Variants in THBS4 observed in about 807,000 individuals in gnomAD.
THBS4 encodes the protein thrombospondin-4.
THBS4 carries 90 observed loss-of-function variants against 115.7 expected under a neutral mutation model. The observed-to-expected ratio is 0.78, with a 90% CI of 0.66 to 0.93. The LOEUF (loss-of-function observed/expected upper bound fraction) is 0.93. THBS4 is among the 40% of genes least tolerant of loss of function. The pLI, the probability that THBS4 is intolerant of heterozygous loss-of-function variation, is 0.00. For missense variants in THBS4, 1,087 were observed against 1,232.7 expected (o/e 0.88, Z 1.77); for synonymous variants, 460 against 479.3 (o/e 0.96, Z 0.53).
upstream of THBS4, among the ~76,000 whole-genome samples, chr5:80,031,609 C>CCAGG (rs961964014): frequency 1.3e-5 from 2 of 152,192 alleles, no homozygotes; most frequent in African/African-American, 4.8e-5. Flanking sequence ...GCTGGCTTTG[C>CCAGG]CAGGGGTGGG....
chr5:80,078,705 A>G, intron 17 of THBS4: 2 of 484,506 alleles, frequency 4.1e-6, no homozygotes, highest in South Asian at 9.8e-5. Flanking sequence ...CAGCAAACTT[A>G]TTTCTATTCA....
chr5:80,066,115 A>T (rs1480088263), intron 9 of THBS4, among the ~76,000 whole-genome samples: 2 of 148,682 alleles, frequency 1.3e-5, no homozygotes, highest in Non-Finnish European at 3.0e-5. Context: ...AAAAAAAAAA[A>T]CTTTTCAAAA....
At chr5:80,051,743 T>G (rs1833265190) in intron 2 of THBS4, among the ~76,000 whole-genome samples, 3 of 152,222 alleles carry the variant, frequency 2.0e-5, no homozygotes, top group Non-Finnish European at 4.4e-5. Flanking sequence ...TCATTTAAAG[T>G]TTATATTAAC....
intron 2 of THBS4, among the ~76,000 whole-genome samples, chr5:79,999,129 T>C (rs1480743359): frequency 1.3e-5 from 2 of 152,184 alleles, no homozygotes; most frequent in Non-Finnish European, 2.9e-5. Flanking sequence ...CAAAGTTTTC[T>C]TTAAGAAAAA....
intron 21 of THBS4, 85 bp downstream of exon 21, chr5:80,082,630 C>G: frequency 5.2e-6 from 8 of 1,538,132 alleles, no homozygotes; most frequent in Admixed American, 1.7e-5. Context: ...CACTTCCCCC[C>G]CAAAAGCCCA....
intron 2 of THBS4, among the ~76,000 whole-genome samples, chr5:80,048,227 T>C (rs1833137729): frequency 6.6e-6 from 1 of 152,312 alleles, no homozygotes; most frequent in East Asian, 1.9e-4. Flanking sequence ...TTAGGATCCA[T>C]TGGTAGAAGA....
At chr5:80,065,872 C>G (rs937067015) in intron 9 of THBS4, among the ~76,000 whole-genome samples, 2 of 152,078 alleles carry the variant, frequency 1.3e-5, no homozygotes, top group African/African-American at 4.8e-5. Context: ...AACTTTCAAT[C>G]ATGGGGTCAG....
chr5:80,000,948 C>T (rs1415879502), intron 2 of THBS4, among the ~76,000 whole-genome samples: 1 of 151,872 alleles, frequency 6.6e-6, no homozygotes, highest in Non-Finnish European at 1.5e-5. Flanking sequence ...ATGTAGATGT[C>T]TTCATTATAT....
At chr5:80,064,353 C>A (rs1314281749) in intron 8 of THBS4, among the ~76,000 whole-genome samples, 2 of 152,294 alleles carry the variant, frequency 1.3e-5, no homozygotes, top group East Asian at 3.9e-4. Context: ...TAAAGACATG[C>A]CAAAATTCAG....
intron 2 of THBS4, among the ~76,000 whole-genome samples, chr5:80,047,369 C>T (rs1833102148): frequency 6.6e-6 from 1 of 152,012 alleles, no homozygotes; most frequent in African/African-American, 2.4e-5. Context: ...ATCTGGACCC[C>T]GTTTTTTTGT....
rs1379281170 is a variant in THBS4, at chr5:80,072,509, TAACA to T, written c.1839+116_1839+119del. ...AGCCTCTTAGCTGTTGCCACTTACC[TAACA>T]AAGCAGAGGTGGAAAAATGACACAC... is the stretch of plus-strand genomic sequence containing the variant. On this transcript the variant is annotated intron_variant, in intron 14 of 21. Coordinates refer to ENST00000350881, the MANE Select transcript of THBS4 (RefSeq NM_003248.6). 3.2e-6 allele frequency: 3 copies of T among 941,460 alleles called. No homozygotes were observed. In the African/African-American group the frequency reaches 4.9e-5, roughly 15 times the overall value. 58.3% of individuals were successfully genotyped at this position (941,460 alleles called of 1,614,324 possible). A position where few individuals can be genotyped will look rare whatever the true frequency, so the allele number is the denominator to read the frequency against.
intron 2 of THBS4, among the ~76,000 whole-genome samples, chr5:80,041,353 C>T (rs1017794662): frequency 1.3e-5 from 2 of 152,226 alleles, no homozygotes; most frequent in African/African-American, 4.8e-5. Context: ...CAAATACCAT[C>T]ACACTGGAGA....
upstream of THBS4, among the ~76,000 whole-genome samples, chr5:80,030,584 G>C (rs552545908): frequency 1.3e-5 from 2 of 152,254 alleles, no homozygotes; most frequent in South Asian, 4.2e-4. Context: ...GGCCAGGCTG[G>C]TCTCGAACTC....
Position 80,055,870 on chromosome 5 carries a change from G to A in THBS4, c.378G>A (p.Arg126=), listed in dbSNP as rs199576579. ...NLQLADGRRH[R]ILLRLSNLQR... ...AGCTGGCAGACGGAAGGCGGCACAG[G>A]ATCCTCCTGAGGCTGAGCAATTTGC... is the stretch of plus-strand genomic sequence containing the variant. Residue 126 remains arginine, a synonymous_variant, in exon 3 of 22, where the codon AGG becomes AGA. Transcript: ENST00000350881. 6.2e-7 allele frequency: 1 copy of A among 1,614,204 alleles called. No homozygotes were observed. Among genetic ancestry groups the A allele is most frequent in the Non-Finnish European group, 8.5e-7 (1 of 1,180,032 alleles).
chr5:80,011,021 A>G (rs1832113911), intron 2 of THBS4, among the ~76,000 whole-genome samples: 2 of 152,144 alleles, frequency 1.3e-5, no homozygotes, highest in African/African-American at 4.8e-5. Context: ...TTGAATTCCC[A>G]TGTGTTGTGG....
chr5:80,011,143 C>G (rs1561292602), intron 2 of THBS4, among the ~76,000 whole-genome samples: 2 of 152,172 alleles, frequency 1.3e-5, no homozygotes, highest in African/African-American at 4.8e-5. Flanking sequence ...GGGAATTTCC[C>G]TGCACACTTT....
At chr5:79,998,927 C>G (rs1831848821) in intron 2 of THBS4, among the ~76,000 whole-genome samples, 1 of 152,060 alleles carries the variant, frequency 6.6e-6, no homozygotes, top group African/African-American at 2.4e-5. Context: ...GTTCAGTGGC[C>G]ACATGGCTCT....
intron 2 of THBS4, among the ~76,000 whole-genome samples, chr5:80,005,529 C>T (rs111395412): frequency 0.01 from 1,521 of 152,000 alleles, 12 homozygotes; most frequent in Non-Finnish European, 0.016. Context: ...AGAGTGTGCA[C>T]GGAGGAATGA....
At chr5:80,006,646 C>G (rs1033479695) in intron 2 of THBS4, among the ~76,000 whole-genome samples, 11 of 152,180 alleles carry the variant, frequency 7.2e-5, no homozygotes, top group Non-Finnish European at 1.5e-4. Context: ...CACTGGACCT[C>G]AACATCACCC....
Sources: gnomAD v4.1 joint callset for allele counts (sites outside exome capture counted in the v4.1 genomes callset) on GRCh38, gnomAD v4.1.1 for gene constraint, MANE v1.5 for transcripts, NCBI Gene and HGNC (gene_info 2026-07-23, HGNC 2026-07-21) for gene names.